The following PCDHAC1 variants were observed in gnomAD, a reference collection of about 807,000 sequenced individuals.
The protein encoded by PCDHAC1 is protocadherin alpha-C1.
Under a neutral mutation model 60.0 loss-of-function variants are expected in PCDHAC1, and 42 were observed. The observed-to-expected ratio is 0.70, with a 90% CI of 0.55 to 0.90. The LOEUF (loss-of-function observed/expected upper bound fraction) is 0.90, where lower values mean the gene tolerates loss of function less well. Ranked by LOEUF, PCDHAC1 falls within the 40% of genes least tolerant of loss-of-function variation. The pLI is 0.00. For synonymous variants in PCDHAC1, 468 were observed against 499.3 expected (o/e 0.94, Z 0.84); for missense variants, 1,160 against 1,222.3 (o/e 0.95, Z 0.76).
intron 1 of PCDHAC1, among the ~76,000 whole-genome samples, chr5:140,937,993 G>A (rs1554211932): frequency 6.6e-6 from 1 of 151,358 alleles, no homozygotes. Flanking sequence ...TGTTAACTTT[G>A]TATCCAATGT....
At chr5:141,007,426 G>A (rs1255100179) in intron 3 of PCDHAC1, among the ~76,000 whole-genome samples, 4 of 151,118 alleles carry the variant, frequency 2.6e-5, no homozygotes, top group Non-Finnish European at 5.9e-5. Flanking sequence ...AAATTAGCCA[G>A]GCATGGTGGC....
At chr5:140,948,271 T>C (rs1295867135) in intron 1 of PCDHAC1, among the ~76,000 whole-genome samples, 4 of 151,646 alleles carry the variant, frequency 2.6e-5, no homozygotes, top group Non-Finnish European at 5.9e-5. Flanking sequence ...TCATGTAGAA[T>C]ATCTGTAAAT....
intron 3 of PCDHAC1, among the ~76,000 whole-genome samples, chr5:140,986,945 C>G (rs1295830111): frequency 1.3e-5 from 2 of 151,946 alleles, no homozygotes; most frequent in Non-Finnish European, 2.9e-5. Context: ...TGGGTGTGGT[C>G]GCTCATGCCT....
At chr5:140,938,174 G>A (rs1394846002) in intron 1 of PCDHAC1, among the ~76,000 whole-genome samples, 3 of 152,200 alleles carry the variant, frequency 2.0e-5, no homozygotes, top group Admixed American at 6.5e-5. Context: ...TGGAGCTCCT[G>A]GGCTCAAGCA....
chr5:140,950,022 A>G (rs1355491628), intron 1 of PCDHAC1, among the ~76,000 whole-genome samples: 1 of 151,918 alleles, frequency 6.6e-6, no homozygotes, highest in Non-Finnish European at 1.5e-5. Flanking sequence ...CCTTCATAAA[A>G]TATAGAAAAG....
intron 1 of PCDHAC1, among the ~76,000 whole-genome samples, chr5:140,940,583 G>A (rs1294741133): frequency 6.6e-6 from 1 of 151,990 alleles, no homozygotes; most frequent in East Asian, 1.9e-4. Flanking sequence ...AAAGTGTTGG[G>A]ATTTCAGGCA....
chr5:140,961,338 G>C (rs1554225370), intron 1 of PCDHAC1, among the ~76,000 whole-genome samples: 1 of 152,170 alleles, frequency 6.6e-6, no homozygotes, highest in Non-Finnish European at 1.5e-5. Flanking sequence ...GAGACCAAGA[G>C]TGGATCCCTG....
At chr5:140,947,771 T>A (rs1167163964) in intron 1 of PCDHAC1, among the ~76,000 whole-genome samples, 1 of 151,706 alleles carries the variant, frequency 6.6e-6, no homozygotes, top group Non-Finnish European at 1.5e-5. Flanking sequence ...AAAATTCTAT[T>A]GTAAATGGAT....
At chr5:140,975,313 T>C (rs2096662091) in intron 1 of PCDHAC1, among the ~76,000 whole-genome samples, 1 of 152,224 alleles carries the variant, frequency 6.6e-6, no homozygotes, top group African/African-American at 2.4e-5. Flanking sequence ...TGTGATTATG[T>C]CAGTCCCATC....
rs1371582285 is a variant in PCDHAC1, at chr5:140,927,471, C to A, written c.579C>A (p.Arg193=). The A allele has an allele frequency of 1.2e-6, 2 of 1,613,968 alleles. No homozygotes were observed. The highest frequency in any genetic ancestry group is 1.3e-5 in the African/African-American group (1 of 74,944). The change falls in exon 1 of 4, where the codon CGC becomes CGA. Residue 193 remains arginine, a synonymous_variant. Transcript: ENST00000253807. ...TGGTGTTGGAGAAAGCACTGGATCG[C>A]GAACAGCGCGCCACCCACCTGCTGG... The part of the protein sequence containing the change: ...PELVLEKALD[R]EQRATHLLVL...
intron 1 of PCDHAC1, among the ~76,000 whole-genome samples, chr5:140,963,912 A>C (rs2095797972): frequency 6.6e-6 from 1 of 152,246 alleles, no homozygotes. Flanking sequence ...AGTGAAGCTT[A>C]GGCTAAGTAA....
At chr5:140,998,118 G>A (rs545818682) in intron 3 of PCDHAC1, among the ~76,000 whole-genome samples, 5 of 152,282 alleles carry the variant, frequency 3.3e-5, no homozygotes, top group Admixed American at 1.3e-4. Flanking sequence ...AAATTTACTT[G>A]TGAATCATAA....
At chr5:140,945,158 G>C in intron 1 of PCDHAC1, among the ~76,000 whole-genome samples, 1 of 151,932 alleles carries the variant, frequency 6.6e-6, no homozygotes, top group Non-Finnish European at 1.5e-5. Flanking sequence ...ATACACTATT[G>C]AACTATCTGA....
intron 1 of PCDHAC1, among the ~76,000 whole-genome samples, chr5:140,948,853 C>T (rs1385628610): frequency 6.6e-6 from 1 of 151,298 alleles, no homozygotes; most frequent in Non-Finnish European, 1.5e-5. Context: ...TATTTGCCTT[C>T]TTATATTACT....
At chr5:140,963,275 A>G (rs2095752915) in intron 1 of PCDHAC1, among the ~76,000 whole-genome samples, 1 of 152,160 alleles carries the variant, frequency 6.6e-6, no homozygotes, top group Non-Finnish European at 1.5e-5. Flanking sequence ...AAATGTATGT[A>G]AGATTTTATA....
chr5:140,963,216 T>C (rs868943222), intron 1 of PCDHAC1, among the ~76,000 whole-genome samples: 24 of 152,176 alleles, frequency 1.6e-4, no homozygotes, highest in Admixed American at 1.2e-3. Context: ...ACCTCGTGTT[T>C]AGAGTAGACA....
At chr5:140,946,610 A>AT (rs2093970425) in intron 1 of PCDHAC1, among the ~76,000 whole-genome samples, 1 of 119,932 alleles carries the variant, frequency 8.3e-6, no homozygotes, top group African/African-American at 3.4e-5. Flanking sequence ...AGAAAATGTG[A>AT]AATATATATA....
Position 140,967,085 on chromosome 5 carries a change from C to A in PCDHAC1, c.2434-11864C>A, listed in dbSNP as rs155809. On this transcript the variant is annotated intron_variant, in intron 1 of 3. Coordinates refer to ENST00000253807, the MANE Select transcript of PCDHAC1 (RefSeq NM_018898.5). ...GCTCTTCGTCAACGAGCGCATTGAT[C>A]GGGAGGCGCTGTGTGAGCAGCGGCC... The A allele has an allele frequency of 3.0e-3, 4,870 of 1,613,198 alleles. 112 individuals are homozygous for A. The African/African-American group carries it at 0.056, about 18-fold the overall frequency.
At chr5:140,941,255 C>CTCTT (rs1554214207) in intron 1 of PCDHAC1, among the ~76,000 whole-genome samples, 2 of 44,508 alleles carry the variant, frequency 4.5e-5, no homozygotes, top group African/African-American at 1.4e-4. Context: ...TTCTTTCTTT[C>CTCTT]TCTTTCTTTC....
Sources: allele counts gnomAD v4.1 joint callset (sites outside exome capture counted in the v4.1 genomes callset), GRCh38; gene constraint gnomAD v4.1.1; transcripts MANE v1.5; gene names NCBI Gene and HGNC (gene_info 2026-07-23, HGNC 2026-07-21).